The following ERBB4 variants were observed in gnomAD, a reference collection of about 807,000 sequenced individuals.
The protein encoded by ERBB4 is receptor tyrosine-protein kinase erbB-4.
In ERBB4, 42 loss-of-function variants were observed where a neutral mutation model predicts 158.0. The observed-to-expected ratio is 0.27, with a 90% CI of 0.21 to 0.34. The LOEUF (loss-of-function observed/expected upper bound fraction) is 0.34. Ranked by LOEUF, ERBB4 falls within the 10% of genes least tolerant of loss-of-function variation. The pLI is 1.00. For missense variants in ERBB4, 1,333 were observed against 1,624.1 expected (o/e 0.82, Z 3.08); for synonymous variants, 583 against 558.7 (o/e 1.04, Z -0.61).
At chr2:212,311,946 C>A (rs1251409956) in intron 1 of ERBB4, among the ~76,000 whole-genome samples, 1 of 150,958 alleles carries the variant, frequency 6.6e-6, no homozygotes, top group Non-Finnish European at 1.5e-5. Flanking sequence ...GGAGAGGATG[C>A]CCAGGGGCAA....
intron 1 of ERBB4, among the ~76,000 whole-genome samples, chr2:212,316,292 T>G (rs932215478): frequency 6.6e-6 from 1 of 151,390 alleles, no homozygotes; most frequent in East Asian, 2.0e-4. Context: ...ACACACACAC[T>G]GCAAGGGTGC....
intron 20 of ERBB4, among the ~76,000 whole-genome samples, chr2:211,518,595 G>A (rs971869858): frequency 4.6e-5 from 7 of 151,800 alleles, no homozygotes; most frequent in South Asian, 2.1e-4. Flanking sequence ...CGGAGGTTGC[G>A]GTGAGCTGAG....
intron 3 of ERBB4, among the ~76,000 whole-genome samples, chr2:211,896,140 T>C (rs2079092017): frequency 1.3e-5 from 2 of 152,204 alleles, no homozygotes; most frequent in Admixed American, 1.3e-4. Context: ...TGACAAAATA[T>C]GTCTAGCCCA....
At chr2:211,698,560 T>A (rs1156501841) in intron 12 of ERBB4, among the ~76,000 whole-genome samples, 1 of 151,778 alleles carries the variant, frequency 6.6e-6, no homozygotes, top group Non-Finnish European at 1.5e-5. Context: ...TTTGATTGGT[T>A]TTATATTGAA....
chr2:212,470,275 C>G (rs927609492), intron 1 of ERBB4, among the ~76,000 whole-genome samples: 4 of 151,994 alleles, frequency 2.6e-5, no homozygotes, highest in Non-Finnish European at 5.9e-5. Flanking sequence ...AAAATAGTGC[C>G]AGCCTCTCTG....
chr2:212,283,555 A>G (rs1315388133), intron 1 of ERBB4, among the ~76,000 whole-genome samples: 1 of 152,016 alleles, frequency 6.6e-6, no homozygotes, highest in Non-Finnish European at 1.5e-5. Flanking sequence ...GAGTTTGTTA[A>G]AACAATTTTA....
chr2:212,322,451 T>C (rs1272141521), intron 1 of ERBB4, among the ~76,000 whole-genome samples: 2 of 150,534 alleles, frequency 1.3e-5, no homozygotes, highest in African/African-American at 4.9e-5. Context: ...TCCACTATTT[T>C]AAAAACTATT....
rs143725610 is a variant in ERBB4 at position 211,493,578 on chromosome 2, CAAAA to C, written c.2488-62482_2488-62479del. ...AAAATACAAAAAACAAAAACAAAAA[CAAAA>C]AAAAACACCTTTGCATAGCAGTTTA... On this transcript the variant is annotated intron_variant, in intron 20 of 27. Transcript: ENST00000342788. 1.0e-4 allele frequency among the ~76,000 whole-genome samples: 15 copies of C among 149,772 alleles called. No individual in the cohort carries two copies. The East Asian group carries it at 2.9e-3, about 29-fold the overall frequency.
At chr2:211,513,046 C>G (rs2065921158) in intron 20 of ERBB4, among the ~76,000 whole-genome samples, 2 of 151,932 alleles carry the variant, frequency 1.3e-5, no homozygotes, top group South Asian at 4.1e-4. Flanking sequence ...GGTTGGAGAT[C>G]TACCTCTTAG....
At chr2:211,439,259 A>G (rs1042175000) in intron 20 of ERBB4, among the ~76,000 whole-genome samples, 1 of 152,222 alleles carries the variant, frequency 6.6e-6, no homozygotes, top group Non-Finnish European at 1.5e-5. Context: ...ACAAACATGT[A>G]TAGTGTGCCA....
At chr2:211,642,763 T>TCTTAAATC (rs1371748048) in intron 16 of ERBB4, among the ~76,000 whole-genome samples, 1 of 152,036 alleles carries the variant, frequency 6.6e-6, no homozygotes, top group Non-Finnish European at 1.5e-5. Context: ...TTACAAACTT[T>TCTTAAATC]TTATCTTAAA....
intron 12 of ERBB4, among the ~76,000 whole-genome samples, chr2:211,697,824 T>C (rs1356145671): frequency 3.9e-5 from 6 of 152,296 alleles, no homozygotes; most frequent in Non-Finnish European, 8.8e-5. Context: ...TGGAAATTAG[T>C]GAGAAAATTT....
chr2:211,515,919 T>A (rs1478195127), intron 20 of ERBB4, among the ~76,000 whole-genome samples: 3,459 of 123,494 alleles, frequency 0.028, 226 homozygotes, highest in African/African-American at 0.11. Flanking sequence ...TATATTTTTT[T>A]TTTTTTTTTT....
intron 19 of ERBB4, among the ~76,000 whole-genome samples, chr2:211,614,784 C>T (rs979938837): frequency 2.6e-5 from 4 of 151,622 alleles, no homozygotes; most frequent in African/African-American, 9.7e-5. Flanking sequence ...AAAATAATTC[C>T]CATCAAGATA....
intron 16 of ERBB4, among the ~76,000 whole-genome samples, chr2:211,641,012 C>T (rs2070563954): frequency 6.6e-6 from 1 of 152,084 alleles, no homozygotes; most frequent in African/African-American, 2.4e-5. Context: ...ATTTGAAGTG[C>T]TAAAGGGTAT....
chr2:211,851,479 A>G (rs1193775947), intron 3 of ERBB4, among the ~76,000 whole-genome samples: 1 of 151,974 alleles, frequency 6.6e-6, no homozygotes. Flanking sequence ...TCTTTAATAC[A>G]CTAGAGTTTC....
intron 1 of ERBB4, among the ~76,000 whole-genome samples, chr2:212,445,373 C>T (rs1469866915): frequency 6.6e-6 from 1 of 152,116 alleles, no homozygotes; most frequent in Non-Finnish European, 1.5e-5. Flanking sequence ...GCTTCCTGTT[C>T]CTGCGGCATT....
chr2:212,510,717 C>G (rs937503336), intron 1 of ERBB4, among the ~76,000 whole-genome samples: 6 of 151,980 alleles, frequency 3.9e-5, no homozygotes, highest in African/African-American at 1.4e-4. Context: ...AACATCCTAT[C>G]AATTTTCAAC....
At chr2:211,787,793 A>G (rs1157111475) in intron 4 of ERBB4, among the ~76,000 whole-genome samples, 1 of 152,136 alleles carries the variant, frequency 6.6e-6, no homozygotes, top group Non-Finnish European at 1.5e-5. Flanking sequence ...TAAATTAAGC[A>G]AAGAGGAACA....
Sources: gnomAD v4.1 joint callset for allele counts (sites outside exome capture counted in the v4.1 genomes callset) on GRCh38, gnomAD v4.1.1 for gene constraint, MANE v1.5 for transcripts, NCBI Gene and HGNC (gene_info 2026-07-23, HGNC 2026-07-21) for gene names.